Variants in CNNM4 observed in about 807,000 individuals in gnomAD.
CNNM4 encodes cyclin and CBS domain divalent metal cation transport mediator 4.
Under a neutral mutation model 53.7 loss-of-function variants are expected in CNNM4, and 32 were observed. That is an observed-to-expected ratio of 0.60 (90% CI 0.45 to 0.80). The LOEUF (loss-of-function observed/expected upper bound fraction) is 0.80, where lower values mean the gene tolerates loss of function less well. CNNM4 is among the 30% of genes least tolerant of loss of function. CNNM4 has a pLI of 0.00. For missense variants in CNNM4, 784 were observed against 1,022.0 expected (o/e 0.77, Z 3.17); for synonymous variants, 410 against 440.0 (o/e 0.93, Z 0.85).
At chr2:96,806,536 C>CACGCGCGA (rs370826709) in intron 5 of CNNM4, among the ~76,000 whole-genome samples, 4 of 102,326 alleles carry the variant, frequency 3.9e-5, no homozygotes, top group African/African-American at 1.4e-4. Flanking sequence ...CACACACACA[C>CACGCGCGA]GCGCGCGCGC....
At chr2:96,802,819 G>A (rs925875032) in intron 5 of CNNM4, among the ~76,000 whole-genome samples, 1 of 152,162 alleles carries the variant, frequency 6.6e-6, no homozygotes, top group Non-Finnish European at 1.5e-5. Context: ...ATGCCTGTCC[G>A]GGGAGTCGGT....
chr2:96,775,528 C>CGTATGAAGGCATTTCTGTTA (rs2078916700), intron 1 of CNNM4, among the ~76,000 whole-genome samples: 1 of 152,132 alleles, frequency 6.6e-6, no homozygotes, highest in Admixed American at 6.6e-5. Flanking sequence ...TCTTGCTGAA[C>CGTATGAAGGCATTTCTGTTA]GTATGAAGGC....
Position 96,808,458 on chromosome 2 carries a change from C to G in CNNM4, c.1949-103C>G. On this transcript the variant is annotated intron_variant, in intron 5 of 6. Transcript: ENST00000377075. The surrounding 1 kb of genome is among the most constrained non-coding windows in gnomAD (Gnocchi z 4.9). ...TGTCCCTAAGAATGACTTCCTGTTCCTGGGTGGGGTGTCCCTGGGCTTCCA... is the reference window on the plus strand; with the variant it reads ...TGTCCCTAAGAATGACTTCCTGTTCGTGGGTGGGGTGTCCCTGGGCTTCCA... 1 of 1,170,146 alleles carries G rather than the reference C, an allele frequency of 8.5e-7. No homozygotes were observed. Among genetic ancestry groups the G allele is most frequent in the African/African-American group, 1.5e-5 (1 of 66,086 alleles). The allele number at this position is 1,170,146 out of a possible 1,614,324, so 72.5% of individuals were successfully genotyped here.
At chr2:96,776,177 A>G (rs116121826) in intron 1 of CNNM4, among the ~76,000 whole-genome samples, 13,155 of 150,400 alleles carry the variant, frequency 0.087, 633 homozygotes, top group Middle Eastern at 0.17. Context: ...CACAGGCCGC[A>G]CACCACCACG....
chr2:96,769,209 C>T (rs1033977264), intron 1 of CNNM4, among the ~76,000 whole-genome samples: 8 of 151,522 alleles, frequency 5.3e-5, no homozygotes, highest in African/African-American at 1.9e-4. Flanking sequence ...CGAGATCGCG[C>T]CACTGCACTC....
chr2:96,791,502 G>T (rs1047053567), intron 1 of CNNM4, among the ~76,000 whole-genome samples: 1 of 151,314 alleles, frequency 6.6e-6, no homozygotes, highest in Non-Finnish European at 1.5e-5. Context: ...GTGTGGTGGC[G>T]GGCGCCTGTA....
intron 1 of CNNM4, among the ~76,000 whole-genome samples, chr2:96,794,520 C>T (rs954201403): frequency 3.9e-5 from 6 of 152,140 alleles, no homozygotes; most frequent in African/African-American, 7.2e-5. Flanking sequence ...GATTTCGTTC[C>T]GCGCTTTATT....
chr2:96,790,648 C>T (rs903293951), intron 1 of CNNM4, among the ~76,000 whole-genome samples: 4 of 151,466 alleles, frequency 2.6e-5, no homozygotes, highest in African/African-American at 9.7e-5. Context: ...GCCACCGCGC[C>T]CGGCCTAATG....
chr2:96,807,609 C>T (rs897858076), intron 5 of CNNM4, among the ~76,000 whole-genome samples: 1 of 151,796 alleles, frequency 6.6e-6, no homozygotes, highest in Non-Finnish European at 1.5e-5. Flanking sequence ...GTGTTGGGCA[C>T]CTGTAATCCC....
At chr2:96,765,137 T>G (rs547353711) in intron 1 of CNNM4, among the ~76,000 whole-genome samples, 2 of 148,572 alleles carry the variant, frequency 1.3e-5, no homozygotes, top group African/African-American at 5.0e-5. Context: ...TGTTGTTTTT[T>G]TTTTTTGAGA....
chr2:96,765,024 G>GTTTTGTTTTTTTTGTTTTTTTTTTTTT (rs2078801834), intron 1 of CNNM4, among the ~76,000 whole-genome samples: 5 of 41,558 alleles, frequency 1.2e-4, no homozygotes, highest in African/African-American at 4.4e-4. Context: ...GTTGGGAATG[G>GTTTTGTTTTTTTTGTTTTTTTTTTTTT]TTTTTTTTTT....
chr2:96,762,739 G>C (rs567385866), intron 1 of CNNM4, among the ~76,000 whole-genome samples: 1 of 152,168 alleles, frequency 6.6e-6, no homozygotes, highest in Non-Finnish European at 1.5e-5. Context: ...GAGATTTAGA[G>C]TATGGGGTGG....
chr2:96,802,523 C>T (rs1220982218), intron 5 of CNNM4, among the ~76,000 whole-genome samples: 4 of 152,242 alleles, frequency 2.6e-5, no homozygotes, highest in African/African-American at 4.8e-5. Flanking sequence ...GGCATGGCCC[C>T]GGGTCAGACT....
Position 96,761,845 on chromosome 2 carries a change from T to C in CNNM4, c.846T>C (p.Phe282=), listed in dbSNP as rs903670676. 1 of 1,614,154 alleles carries C rather than the reference T, an allele frequency of 6.2e-7. No individual in the cohort carries two copies. The highest frequency in any genetic ancestry group is 8.5e-7 in the Non-Finnish European group (1 of 1,180,026). ...VASSTIGIVI[F]GEILPQALCS... is the part of the protein sequence containing the mutation. ...CCTCCACCATTGGCATTGTCATCTT[T>C]GGGGAGATCCTACCTCAGGCCCTGT... is the stretch of plus-strand genomic sequence containing the variant. Residue 282 remains phenylalanine (F), a synonymous_variant, in exon 1 of 7, where the codon TTT becomes TTC. Coordinates refer to ENST00000377075, the MANE Select transcript of CNNM4 (RefSeq NM_020184.4). This position sits in a 1 kb window ranked among gnomAD's most constrained non-coding sequence, Gnocchi z 6.0.
At position 96,797,215 on chromosome 2, in the gene CNNM4, T is replaced by A; in HGVS notation, c.1546+60T>A. 5.0e-6 allele frequency: 8 copies of A among 1,608,428 alleles called. No individual in the cohort carries two copies. The highest frequency in any genetic ancestry group is 6.8e-6 in the Non-Finnish European group (8 of 1,176,682). ...TTCCTGCTTGGATCGAAACTTGGTG[T>A]CCCTAGCTGGAAGGGCCATAGTGCA... On this transcript the variant is annotated intron_variant, in intron 2 of 6. Transcript: ENST00000377075. The surrounding 1 kb of genome is among the most constrained non-coding windows in gnomAD (Gnocchi z 6.0).
chr2:96,778,075 C>T (rs1452874375), intron 1 of CNNM4, among the ~76,000 whole-genome samples: 3 of 151,186 alleles, frequency 2.0e-5, no homozygotes, highest in African/African-American at 7.3e-5. Flanking sequence ...CCATGTTGCC[C>T]AGGCTGGTCT....
At chr2:96,763,920 G>A (rs546235430) in intron 1 of CNNM4, among the ~76,000 whole-genome samples, 1 of 152,170 alleles carries the variant, frequency 6.6e-6, no homozygotes, top group African/African-American at 2.4e-5. Flanking sequence ...TGCAGACCCA[G>A]GAATCAGGTT....
chr2:96,808,415 C>T lies in CNNM4; in HGVS notation c.1949-146C>T. 1 of 765,678 alleles carries T rather than the reference C, an allele frequency of 1.3e-6. No individual in the cohort carries two copies. Among genetic ancestry groups the T allele is most frequent in the Non-Finnish European group, 2.3e-6 (1 of 442,746 alleles). 47.4% of individuals were successfully genotyped at this position (765,678 alleles called of 1,614,324 possible). ...GAAGTCAGACCTTATGCAGTCAGAC[C>T]TTCTACATGCTTCTGTTTGTCCCTA... On this transcript the variant is annotated intron_variant, in intron 5 of 6. Coordinates refer to ENST00000377075, the MANE Select transcript of CNNM4 (RefSeq NM_020184.4). The surrounding 1 kb of genome is among the most constrained non-coding windows in gnomAD (Gnocchi z 4.9).
chr2:96,806,110 C>A (rs547455490), intron 5 of CNNM4, among the ~76,000 whole-genome samples: 2 of 145,268 alleles, frequency 1.4e-5, no homozygotes, highest in East Asian at 3.9e-4. Context: ...CCGGAGGGGG[C>A]GGCTGGCCGG....
Sources: allele counts gnomAD v4.1 joint callset (sites outside exome capture counted in the v4.1 genomes callset), GRCh38; gene constraint gnomAD v4.1.1; non-coding constraint Gnocchi (gnomAD v3.1); transcripts MANE v1.5; gene names NCBI Gene and HGNC (gene_info 2026-07-23, HGNC 2026-07-21).